Variants in DPYD observed in about 807,000 individuals in gnomAD.
The protein encoded by DPYD is dihydropyrimidine dehydrogenase.
Under a neutral mutation model 116.2 loss-of-function variants are expected in DPYD, and 109 were observed. The observed-to-expected ratio is 0.94, with a 90% CI of 0.80 to 1.10. DPYD has a LOEUF of 1.10. DPYD is among the 50% of genes least tolerant of loss of function. The probability of loss-of-function intolerance (pLI) is 0.00; values close to 1 mark genes in which losing one functional copy is unlikely to be tolerated. For synonymous variants in DPYD, 440 were observed against 432.0 expected (o/e 1.02, Z -0.23); for missense variants, 1,302 against 1,254.5 (o/e 1.04, Z -0.57).
intron 2 of DPYD, among the ~76,000 whole-genome samples, chr1:97,878,692 A>C (rs1395080433): frequency 6.6e-6 from 1 of 152,012 alleles, no homozygotes; most frequent in Non-Finnish European, 1.5e-5. Context: ...TTTTCATTAA[A>C]TCCATGGTCC....
chr1:97,280,454 T>C (rs1049226519), intron 18 of DPYD, among the ~76,000 whole-genome samples: 1 of 152,208 alleles, frequency 6.6e-6, no homozygotes, highest in African/African-American at 2.4e-5. Context: ...CCCATGTTTA[T>C]TGCAGCACTA....
At chr1:97,364,881 A>T (rs549342377) in intron 16 of DPYD, among the ~76,000 whole-genome samples, 1 of 152,176 alleles carries the variant, frequency 6.6e-6, no homozygotes, top group Non-Finnish European at 1.5e-5. Context: ...TAGTCAGGCA[A>T]ATCCATACGC....
At chr1:97,642,941 T>C (rs1226705851) in intron 8 of DPYD, among the ~76,000 whole-genome samples, 1 of 151,834 alleles carries the variant, frequency 6.6e-6, no homozygotes, top group African/African-American at 2.4e-5. Context: ...ATTTAAAAGA[T>C]GGATTAAAGA....
rs569976347 is a variant in DPYD at position 97,247,225 on chromosome 1, T to G, written c.2300-12231A>C. On this transcript the variant is annotated intron_variant, in intron 18 of 22. Transcript: ENST00000370192. ...TACTTTTAACAAACATCATAAATAG[T>G]GCAGGAATCTGTAGCATGTATTAAA... Among the ~76,000 whole-genome samples, 4 of 152,234 alleles carry G rather than the reference T, an allele frequency of 2.6e-5. No homozygotes were observed. In the South Asian group the frequency reaches 8.3e-4, roughly 32 times the overall value.
chr1:97,359,257 G>GA (rs975896181), intron 16 of DPYD, among the ~76,000 whole-genome samples: 2 of 151,604 alleles, frequency 1.3e-5, no homozygotes, highest in Non-Finnish European at 2.9e-5. Context: ...AAGTTTAGAG[G>GA]AAAAAAAAGT....
At position 97,181,838 on chromosome 1, in the gene DPYD, T is replaced by C. The variant is rs569084792; in HGVS notation, c.2622+11231A>G. On this transcript the variant is annotated intron_variant, in intron 20 of 22. Transcript: ENST00000370192. ...TAGTTATAATAACAACCACCATGTA[T>C]TGATTGCTTACAACTACATGCTATA... Among the ~76,000 whole-genome samples the C allele has an allele frequency of 9.2e-5, 14 of 152,288 alleles. No homozygotes were observed. The South Asian group carries it at 2.9e-3, about 32-fold the overall frequency.
intron 18 of DPYD, among the ~76,000 whole-genome samples, chr1:97,269,205 C>T (rs746618889): frequency 4.6e-5 from 7 of 152,266 alleles, no homozygotes; most frequent in East Asian, 1.9e-4. Context: ...ATACCACATT[C>T]GTTATTTCCA....
At chr1:97,353,000 G>T (rs1170279831) in intron 16 of DPYD, among the ~76,000 whole-genome samples, 1 of 151,738 alleles carries the variant, frequency 6.6e-6, no homozygotes, top group African/African-American at 2.4e-5. Context: ...GCAGAAACAA[G>T]GTAACAAAAA....
At chr1:97,109,031 G>C (rs1470857427) in intron 20 of DPYD, among the ~76,000 whole-genome samples, 1 of 152,112 alleles carries the variant, frequency 6.6e-6, no homozygotes, top group Non-Finnish European at 1.5e-5. Flanking sequence ...ATGACCTGGG[G>C]CAAGCCACTT....
At chr1:97,351,824 GA>G (rs1304134639) in intron 16 of DPYD, among the ~76,000 whole-genome samples, 2 of 151,936 alleles carry the variant, frequency 1.3e-5, no homozygotes, top group Non-Finnish European at 2.9e-5. Flanking sequence ...AAAGCAAATG[GA>G]GAAAAACATT....
At chr1:97,459,168 T>A (rs1185189362) in intron 13 of DPYD, among the ~76,000 whole-genome samples, 3 of 151,584 alleles carry the variant, frequency 2.0e-5, no homozygotes, top group African/African-American at 7.3e-5. Flanking sequence ...TTTCTAGAAA[T>A]AAAAAAAATA....
At chr1:97,118,735 C>A (rs1169874432) in intron 20 of DPYD, among the ~76,000 whole-genome samples, 1 of 152,068 alleles carries the variant, frequency 6.6e-6, no homozygotes, top group Non-Finnish European at 1.5e-5. Flanking sequence ...CTTTTACTGT[C>A]GACTCAGAAG....
At chr1:97,348,746 GT>G (rs557121226) in intron 16 of DPYD, among the ~76,000 whole-genome samples, 49 of 152,238 alleles carry the variant, frequency 3.2e-4, no homozygotes, top group African/African-American at 1.2e-3. Context: ...CCCTTAGAAA[GT>G]GGCCACTCTA....
At chr1:97,420,071 G>A (rs1290934376) in intron 14 of DPYD, 1 of 151,644 alleles carries the variant, frequency 6.6e-6, no homozygotes, top group Admixed American at 6.6e-5. Flanking sequence ...TGGCAGTAAG[G>A]ACCCAGGACC....
intron 16 of DPYD, among the ~76,000 whole-genome samples, chr1:97,338,991 T>C (rs12750945): frequency 0.14 from 20,988 of 151,836 alleles, 1,703 homozygotes; most frequent in East Asian, 0.29. Flanking sequence ...CTCAAAGAGA[T>C]ACAATTAGAA....
chr1:97,915,547 G>C (rs1018104422), intron 1 of DPYD, among the ~76,000 whole-genome samples: 1 of 152,118 alleles, frequency 6.6e-6, no homozygotes. Flanking sequence ...ACACCCACAT[G>C]ACTGATATTT....
chr1:97,892,175 G>A (rs1327359289), intron 1 of DPYD, among the ~76,000 whole-genome samples: 1 of 151,832 alleles, frequency 6.6e-6, no homozygotes, highest in South Asian at 2.1e-4. Flanking sequence ...GTGCTGTGGT[G>A]CCAATTTTTT....
chr1:97,302,074 A>G (rs1666898640), intron 18 of DPYD, among the ~76,000 whole-genome samples: 1 of 151,906 alleles, frequency 6.6e-6, no homozygotes, highest in African/African-American at 2.4e-5. Context: ...CTCTCTCCAA[A>G]CCCAATAAAC....
At chr1:97,502,136 A>G (rs181539537) in intron 13 of DPYD, among the ~76,000 whole-genome samples, 4 of 152,188 alleles carry the variant, frequency 2.6e-5, no homozygotes, top group Admixed American at 6.6e-5. Context: ...TTTAAAAGTC[A>G]TAAGATCTTC....
Sources: allele counts gnomAD v4.1 joint callset (sites outside exome capture counted in the v4.1 genomes callset), GRCh38; gene constraint gnomAD v4.1.1; transcripts MANE v1.5; gene names NCBI Gene and HGNC (gene_info 2026-07-23, HGNC 2026-07-21).